Variants in C19orf67 observed in about 807,000 individuals in gnomAD.
The protein encoded by C19orf67 is UPF0575 protein C19orf67.
A neutral mutation model predicts 41.4 loss-of-function variants in C19orf67; 28 were observed. That is an observed-to-expected ratio of 0.68 (90% CI 0.50 to 0.93). The LOEUF (loss-of-function observed/expected upper bound fraction) is 0.93. C19orf67 is among the 40% of genes least tolerant of loss of function. C19orf67 has a pLI of 0.00. For synonymous variants in C19orf67, 242 were observed against 203.4 expected (o/e 1.19, Z -1.62); for missense variants, 421 against 467.0 (o/e 0.90, Z 0.91).
chr19:14,085,663 G>T lies in C19orf67; in HGVS notation c.-36C>A. ...GGGGGCGGGAACCTGAGCTCTTTAA[G>T]CTTCCGCTGCTGCTCAGGTTGGCCG... On this transcript the variant is annotated 5_prime_UTR_variant, in exon 1 of 6. Transcript: ENST00000548523. 1 of 1,443,348 alleles carries T rather than the reference G, an allele frequency of 6.9e-7. No homozygotes were observed. Among genetic ancestry groups the T allele is most frequent in the Non-Finnish European group, 9.4e-7 (1 of 1,065,718 alleles). 89.4% of individuals were successfully genotyped at this position (1,443,348 alleles called of 1,614,324 possible). A position where few individuals can be genotyped will look rare whatever the true frequency, so the allele number is the denominator to read the frequency against.
chr19:14,082,564 G>C lies in C19orf67; in HGVS notation c.807C>G (p.Gly269=). The change falls in exon 5 of 6, where the codon GGC becomes GGG. Residue 269 remains glycine, a synonymous_variant. Transcript: ENST00000548523. ...LCYRDTWEDT[G]QSPANSCPQI... ...GTGGGCACGAATTGGCTGGACTCTG[G>C]CCTGTGTCTTCCCAAGTATCTCGAT... The C allele has an allele frequency of 6.5e-7, 1 of 1,536,420 alleles. No individual in the cohort carries two copies. The highest frequency in any genetic ancestry group is 8.7e-7 in the Non-Finnish European group (1 of 1,146,938).
chr19:14,085,146 C>G (rs1976832517), intron 1 of C19orf67, 147 bp downstream of exon 1: 2 of 652,990 alleles, frequency 3.1e-6, no homozygotes, highest in Non-Finnish European at 5.3e-6. Context: ...TTCTCTTAAA[C>G]TGGATTCTAA....
rs1313376887 is a variant in C19orf67, at chr19:14,085,424, G to T, written c.204C>A (p.Pro68=). The T allele has an allele frequency of 4.6e-6, 7 of 1,535,922 alleles. No individual in the cohort carries two copies. The Admixed American group carries it at 1.4e-4, about 30-fold the overall frequency. Residue 68 remains proline, a synonymous_variant, in exon 1 of 6, where the codon CCC becomes CCA. Transcript: ENST00000548523. ...GCCCAGGCCGGGGGACCAGAGGTTT[G>T]GGGGAAGACGTGGAGGCCCGGGCCT... The part of the protein sequence containing the change: ...LAEARASTSS[P]KPLVPRPGPA...
chr19:14,085,258 T>TA, intron 1 of C19orf67, 35 bp downstream of exon 1: 4 of 1,521,882 alleles, frequency 2.6e-6, no homozygotes, highest in Non-Finnish European at 3.5e-6. Flanking sequence ...CAAGTCTCCT[T>TA]ACCCATGGGG....
rs1221750592 is a variant in C19orf67, at chr19:14,085,666, T to C, written c.-39A>G. The C allele has an allele frequency of 2.8e-6, 4 of 1,436,366 alleles. 1 individual carries two copies. In the South Asian group the frequency reaches 4.9e-5, roughly 18 times the overall value. The allele number at this position is 1,436,366 out of a possible 1,614,324, so 89.0% of individuals were successfully genotyped here. A position where few individuals can be genotyped will look rare whatever the true frequency, so the allele number is the denominator to read the frequency against. ...GGCGGGAACCTGAGCTCTTTAAGCT[T>C]CCGCTGCTGCTCAGGTTGGCCGCGG... On this transcript the variant is annotated 5_prime_UTR_variant, in exon 1 of 6. Transcript: ENST00000548523.
chr19:14,084,293 G>T (rs1976819077), intron 1 of C19orf67, among the ~76,000 whole-genome samples: 1 of 152,024 alleles, frequency 6.6e-6, no homozygotes, highest in Non-Finnish European at 1.5e-5. Flanking sequence ...AGGAGGTGGA[G>T]GTGGGAAGAT....
In C19orf67 at chr19:14,083,229, G is replaced by A. The variant is rs1238558808; in HGVS notation, c.767+8C>T. 27 of 1,535,398 alleles carry A rather than the reference G, an allele frequency of 1.8e-5. No individual in the cohort carries two copies. The highest frequency in any genetic ancestry group is 2.3e-5 in the Non-Finnish European group (26 of 1,146,452). On this transcript the variant is annotated splice_region_variant and intron_variant, in intron 4 of 5. Transcript: ENST00000548523. ...GGGGAGGACTTTGATTTGGGTAAGAGGACTTACTAATCCACAAGGGAATCT... is the reference window on the plus strand; with the variant it reads ...GGGGAGGACTTTGATTTGGGTAAGAAGACTTACTAATCCACAAGGGAATCT...
Position 14,083,764 on chromosome 19 carries a change from T to C in C19orf67, c.449A>G (p.Tyr150Cys). Residue 150 changes from tyrosine (Y) to cysteine (C), a missense_variant, in exon 2 of 6, where the codon TAT becomes TGT. Transcript: ENST00000548523. ...EAAARSIPPI[Y>C]GPLQELVRKG... is the part of the protein sequence containing the mutation. ...TCGGACCAGCTCCTGCAGGGGTCCA[T>C]AGATGGGGGGTATGCTTCTCGCGGC... 2.8e-6 allele frequency: 4 copies of C among 1,434,154 alleles called. No homozygotes were observed. In the South Asian group the frequency reaches 5.9e-5, roughly 21 times the overall value. The allele number at this position is 1,434,154 out of a possible 1,614,324, so 88.8% of individuals were successfully genotyped here. A position where few individuals can be genotyped will look rare whatever the true frequency, so the allele number is the denominator to read the frequency against.
In C19orf67 at chr19:14,082,567, T is replaced by G; in HGVS notation, c.804A>C (p.Thr268=). ...FLCYRDTWED[T]GQSPANSCPQ... Reference sequence around the variant, plus strand: ...GGCACGAATTGGCTGGACTCTGGCCTGTGTCTTCCCAAGTATCTCGATAGC... The same window carrying G: ...GGCACGAATTGGCTGGACTCTGGCCGGTGTCTTCCCAAGTATCTCGATAGC... Residue 268 remains threonine, a synonymous_variant, in exon 5 of 6, where the codon ACA becomes ACC. Coordinates refer to ENST00000548523, the MANE Select transcript of C19orf67 (RefSeq NM_001277378.2). The G allele has an allele frequency of 6.5e-7, 1 of 1,536,374 alleles. No individual in the cohort carries two copies. The highest frequency in any genetic ancestry group is 8.7e-7 in the Non-Finnish European group (1 of 1,146,900).
intron 5 of C19orf67, 45 bp from the exon 6 acceptor site, chr19:14,082,053 C>A: frequency 7.1e-7 from 1 of 1,405,570 alleles, no homozygotes. Context: ...ACTTGAGTGC[C>A]CCCTGCCCCT....
chr19:14,085,324 C>T lies in C19orf67; in HGVS notation c.304G>A (p.Ala102Thr), dbSNP rs1976836768. The change falls in exon 1 of 6, where the codon GCA (alanine) becomes ACA (threonine). Residue 102 changes from alanine to threonine, a missense_variant. Around this residue, in one of 3 missense-constraint regions of C19orf67, gnomAD observed 160 missense variants for 139.2 expected, o/e 1.15. Coordinates refer to ENST00000548523, the MANE Select transcript of C19orf67 (RefSeq NM_001277378.2). ...TQQLRYLLKK[A>T]DDFQSYLLYS... ...AGCAAGTAGCTCTGGAAATCATCTG[C>T]CTTCTTCAGTAGGTAGCGCAGCTGT... The T allele has an allele frequency of 9.8e-6, 15 of 1,536,218 alleles. No homozygotes were observed. The highest frequency in any genetic ancestry group is 1.4e-5 in the African/African-American group (1 of 73,180).
chr19:14,085,218 T>G (rs1176990244), intron 1 of C19orf67, 75 bp downstream of exon 1: 3 of 1,259,906 alleles, frequency 2.4e-6, no homozygotes, highest in Non-Finnish European at 3.3e-6. Context: ...GCGACCCTGG[T>G]GTGTGTCACC....
At chr19:14,083,693 G>C (rs927169926) in intron 2 of C19orf67, 40 bp downstream of exon 2, 1 of 1,502,448 alleles carries the variant, frequency 6.7e-7, no homozygotes, top group Non-Finnish European at 8.9e-7. Flanking sequence ...TCAGAGCTGC[G>C]AGAAGAAAGG....
chr19:14,081,978 G>C lies in C19orf67; in HGVS notation c.933C>G (p.Tyr311Ter). Residue 311 changes from tyrosine to a stop codon, truncating the protein, a stop_gained, in exon 6 of 6, where the codon TAC becomes TAG. Transcript: ENST00000548523. LOFTEE classifies it high-confidence loss of function. Reference sequence around the variant, plus strand: ...CGAAGCCGATGGTCAGCAGCTGCTGGTAGTCCCCAAGCGGCTGCGGGCACA... The same window carrying C: ...CGAAGCCGATGGTCAGCAGCTGCTGCTAGTCCCCAAGCGGCTGCGGGCACA... ...WILCPQPLGD[Y>*]QQLLTIGFEE... 6.6e-7 allele frequency: 1 copy of C among 1,525,006 alleles called. No individual in the cohort carries two copies. The highest frequency in any genetic ancestry group is 8.8e-7 in the Non-Finnish European group (1 of 1,140,436). 94.5% of individuals were successfully genotyped at this position (1,525,006 alleles called of 1,614,324 possible). A position where few individuals can be genotyped will look rare whatever the true frequency, so the allele number is the denominator to read the frequency against.
At position 14,085,526 on chromosome 19, in the gene C19orf67, G is replaced by C. The variant is rs546208241; in HGVS notation, c.102C>G (p.Pro34=). ...GCCTGCCAGGGGGCGTCGACCTGGA[G>C]GGGTCTCCGCAGGGCGGCGTCCCAG... ...LEPGTPPCGD[P]SRSTPPGRPG... Residue 34 remains proline (P), a synonymous_variant, in exon 1 of 6, where the codon CCC becomes CCG. Transcript: ENST00000548523. 6.5e-7 allele frequency: 1 copy of C among 1,535,382 alleles called. No individual in the cohort carries two copies. Among genetic ancestry groups the C allele is most frequent in the Non-Finnish European group, 8.7e-7 (1 of 1,146,658 alleles).
At chr19:14,082,383 G>T in intron 5 of C19orf67, 86 bp downstream of exon 5, 1 of 1,406,176 alleles carries the variant, frequency 7.1e-7, no homozygotes, top group Non-Finnish European at 9.4e-7. Flanking sequence ...GGGAAGCAAA[G>T]TGTTTGGGAA....
chr19:14,081,707 G>A lies in C19orf67; in HGVS notation c.*127C>T. ...GCCAAGCCGGACTCGGTGCAGACAG[G>A]TCAGCTCGGCCTGGCCCTTTGGAAG... is the stretch of plus-strand genomic sequence containing the variant. On this transcript the variant is annotated 3_prime_UTR_variant, in exon 6 of 6. Transcript: ENST00000548523. The A allele has an allele frequency of 2.5e-6, 2 of 792,586 alleles. No homozygotes were observed. The highest frequency in any genetic ancestry group is 2.1e-5 in the South Asian group (1 of 47,478). 49.1% of individuals were successfully genotyped at this position (792,586 alleles called of 1,614,324 possible).
intron 4 of C19orf67, 144 bp downstream of exon 4, chr19:14,083,093 G>C: frequency 1.5e-6 from 1 of 684,288 alleles, no homozygotes; most frequent in Non-Finnish European, 2.4e-6. Flanking sequence ...CTCCTGCCTC[G>C]GCCTCCCAAA....
At position 14,081,783 on chromosome 19, in the gene C19orf67, AT is replaced by A; in HGVS notation, c.*50del. On this transcript the variant is annotated 3_prime_UTR_variant, in exon 6 of 6. Transcript: ENST00000548523. The stretch of plus-strand genomic sequence containing the variant: ...CGAGTGAGCCCCTCCCCTGCCCCCT[AT>A]TCTGGAGTTTGGAACTGTCAAGTTC... The A allele has an allele frequency of 7.2e-7, 1 of 1,379,444 alleles. No individual in the cohort carries two copies. The highest frequency in any genetic ancestry group is 1.4e-5 in the South Asian group (1 of 71,444). 85.5% of individuals were successfully genotyped at this position (1,379,444 alleles called of 1,614,324 possible). A position where few individuals can be genotyped will look rare whatever the true frequency, so the allele number is the denominator to read the frequency against.
Sources: gnomAD v4.1 joint callset for allele counts (sites outside exome capture counted in the v4.1 genomes callset) on GRCh38, gnomAD v4.1.1 for gene constraint, gnomAD v4.1.1 regional missense constraint, MANE v1.5 for transcripts, NCBI Gene and HGNC (gene_info 2026-07-23, HGNC 2026-07-21) for gene names.